The following MAGI1 variants were observed in gnomAD, a reference collection of about 807,000 sequenced individuals.
MAGI1 encodes membrane associated guanylate kinase, WW and PDZ domain containing 1, also known as membrane-associated guanylate kinase, WW and PDZ domain-containing protein 1.
In MAGI1, 58 loss-of-function variants were observed where a neutral mutation model predicts 139.9. The ratio of observed to expected loss-of-function variants is 0.41; its 90% confidence interval spans 0.34 to 0.52. The LOEUF is 0.52. Ranked by LOEUF, MAGI1 falls within the 20% of genes least tolerant of loss-of-function variation. MAGI1 has a pLI of 0.12. For missense variants in MAGI1, 1,874 were observed against 1,901.6 expected, an observed-to-expected ratio of 0.99 and a Z score of 0.27; for synonymous variants, 812 against 737.9, an observed-to-expected ratio of 1.10 and a Z score of -1.63.
intron 1 of MAGI1, among the ~76,000 whole-genome samples, chr3:65,819,654 G>A (rs2041822472): frequency 6.6e-6 from 1 of 151,890 alleles, no homozygotes; most frequent in Non-Finnish European, 1.5e-5. Flanking sequence ...CAAGGCGGGT[G>A]GATCATGAGG....
chr3:65,359,806 T>A, intron 22 of MAGI1: 1 of 985,766 alleles, frequency 1.0e-6, no homozygotes, highest in Non-Finnish European at 1.2e-6. Flanking sequence ...ATTTTCATCC[T>A]CAGTGCAACA....
intron 12 of MAGI1, 143 bp from the exon 13 acceptor site, chr3:65,401,613 A>G: frequency 6.4e-7 from 1 of 1,550,734 alleles, no homozygotes; most frequent in Non-Finnish European, 8.7e-7. Flanking sequence ...CCAGCATCGG[A>G]GTTACCAGGC....
At chr3:65,374,100 C>T (rs570024552) in intron 18 of MAGI1, among the ~76,000 whole-genome samples, 16 of 152,214 alleles carry the variant, frequency 1.1e-4, no homozygotes, top group African/African-American at 3.9e-4. Context: ...TTTTATCACA[C>T]TATCTTCATA....
intron 1 of MAGI1, among the ~76,000 whole-genome samples, chr3:65,731,373 C>T (rs560270415): frequency 1.1e-4 from 17 of 152,048 alleles, no homozygotes; most frequent in African/African-American, 4.1e-4. Flanking sequence ...AAATCTATGA[C>T]CAGGCATGAT....
rs528890754 is a variant in MAGI1 at position 65,587,030 on chromosome 3, G to A, written c.430+34942C>T. 9.9e-5 allele frequency among the ~76,000 whole-genome samples: 15 copies of A among 152,284 alleles called. No individual in the cohort carries two copies. In the South Asian group the frequency reaches 2.9e-3, roughly 29 times the overall value. On this transcript the variant is annotated intron_variant, in intron 2 of 22. Transcript: ENST00000402939. ...AGAACAACCTGGTGAATTACCCCGA[G>A]ATCCCTAACTATTGCTGTGTGAGGG...
At chr3:65,717,179 G>C (rs369998750) in intron 1 of MAGI1, among the ~76,000 whole-genome samples, 4 of 152,268 alleles carry the variant, frequency 2.6e-5, no homozygotes, top group Admixed American at 1.3e-4. Context: ...AAAAGACAGT[G>C]AAAGAAAGTT....
intron 1 of MAGI1, among the ~76,000 whole-genome samples, chr3:65,768,038 A>G (rs1460493851): frequency 1.3e-5 from 2 of 152,226 alleles, no homozygotes; most frequent in Non-Finnish European, 2.9e-5. Context: ...CTTTAAACTT[A>G]ATTTGTTGAA....
At chr3:65,863,709 A>C (rs1179425050) in intron 1 of MAGI1, among the ~76,000 whole-genome samples, 1 of 152,236 alleles carries the variant, frequency 6.6e-6, no homozygotes, top group Non-Finnish European at 1.5e-5. Context: ...ATCCATCAAA[A>C]TGGATAAAAT....
intron 1 of MAGI1, among the ~76,000 whole-genome samples, chr3:65,852,976 A>C (rs2108401965): frequency 7.9e-6 from 1 of 126,656 alleles, no homozygotes; most frequent in African/African-American, 4.0e-5. Flanking sequence ...TCTACTAAAA[A>C]TACAAAAAAA....
chr3:65,940,779 A>G (rs1007061774), intron 1 of MAGI1, among the ~76,000 whole-genome samples: 38 of 152,312 alleles, frequency 2.5e-4, no homozygotes, highest in Middle Eastern at 3.4e-3. Context: ...AGACTGCACA[A>G]TCCAGAGGCA....
chr3:65,510,545 A>G (rs2077534300), intron 2 of MAGI1, among the ~76,000 whole-genome samples: 1 of 148,830 alleles, frequency 6.7e-6, no homozygotes, highest in African/African-American at 2.5e-5. Context: ...ACTGGAAGAA[A>G]GGGTATCAGC....
chr3:65,682,914 G>T (rs1559783047), intron 1 of MAGI1, among the ~76,000 whole-genome samples: 1 of 152,098 alleles, frequency 6.6e-6, no homozygotes, highest in East Asian at 1.9e-4. Flanking sequence ...TTTTCCAACG[G>T]ATGGGGACGG....
chr3:65,688,242 C>T (rs928818485), intron 1 of MAGI1: 1 of 827,208 alleles, frequency 1.2e-6, no homozygotes, highest in South Asian at 1.3e-5. Context: ...CTACACAGCC[C>T]AGACTCTGGT....
rs150990851 is a variant in MAGI1 at position 65,623,897 on chromosome 3, T to C, written c.314-1809A>G. ...AAACCAATCTTAGGTCATTCAATCA[T>C]TCATCAAGTATTTACTGAATGAAGA... On this transcript the variant is annotated intron_variant, in intron 1 of 22. Coordinates refer to ENST00000402939, the MANE Select transcript of MAGI1 (RefSeq NM_001033057.2). 3.8e-3 allele frequency among the ~76,000 whole-genome samples: 586 copies of C among 152,228 alleles called. 7 individuals carry two copies. Among genetic ancestry groups the C allele is most frequent in the African/African-American group, 0.014 (566 of 41,540 alleles).
rs143912848 is a variant in MAGI1 at position 65,542,027 on chromosome 3, C to G, written c.431-48396G>C. Reference sequence around the variant, plus strand: ...GATTGTATATTTAGAAAACCCCATCCTCTCAGCCCAAAATCTCCTTAAGCT... The same window carrying G: ...GATTGTATATTTAGAAAACCCCATCGTCTCAGCCCAAAATCTCCTTAAGCT... On this transcript the variant is annotated intron_variant, in intron 2 of 22. Transcript: ENST00000402939. Among the ~76,000 whole-genome samples the G allele has an allele frequency of 4.9e-3, 745 of 152,208 alleles. 6 individuals are homozygous for G. Among genetic ancestry groups the G allele is most frequent in the East Asian group, 0.033 (173 of 5,166 alleles).
rs1329499560 is a variant in MAGI1 at position 66,018,119 on chromosome 3, G to GC, written c.313+19876_313+19877insG. Among the ~76,000 whole-genome samples the GC allele has an allele frequency of 3.8e-5, 5 of 132,340 alleles. 1 individual carries two copies. In the Admixed American group the frequency reaches 4.1e-4, roughly 11 times the overall value. The allele number at this position is 132,340 out of a possible 152,430, so 86.8% of individuals were successfully genotyped here. ...ATAAGGAAGGACACTTTGGTGGGGG[G>GC]GGGGGGTGTCTGCACATGCCCATTT... On this transcript the variant is annotated intron_variant, in intron 1 of 22. Transcript: ENST00000402939.
chr3:65,907,341 G>C (rs1168280335), intron 1 of MAGI1, among the ~76,000 whole-genome samples: 1 of 152,124 alleles, frequency 6.6e-6, no homozygotes, highest in Non-Finnish European at 1.5e-5. Flanking sequence ...CTGAGACCTG[G>C]TAAGGCTGAG....
intron 8 of MAGI1, among the ~76,000 whole-genome samples, 190 bp downstream of exon 8, chr3:65,442,602 A>G (rs1948420726): frequency 6.6e-6 from 1 of 152,186 alleles, no homozygotes; most frequent in Admixed American, 6.5e-5. Flanking sequence ...TGAATTTAAT[A>G]ATATGATTTG....
intron 18 of MAGI1, among the ~76,000 whole-genome samples, chr3:65,369,710 T>C (rs948019143): frequency 6.6e-6 from 1 of 152,072 alleles, no homozygotes; most frequent in Non-Finnish European, 1.5e-5. Context: ...CGTTTCGCCA[T>C]GTTGCCTGGG....
Sources: gnomAD v4.1 joint callset for allele counts (sites outside exome capture counted in the v4.1 genomes callset) on GRCh38, gnomAD v4.1.1 for gene constraint, MANE v1.5 for transcripts, NCBI Gene and HGNC (gene_info 2026-07-23, HGNC 2026-07-21) for gene names.